MRTFA: variants seen among roughly 807,000 people sequenced by gnomAD.
The protein encoded by MRTFA is myocardin-related transcription factor A.
In MRTFA, 20 loss-of-function variants were observed where a neutral mutation model predicts 83.5. The observed-to-expected ratio is 0.24, with a 90% CI of 0.17 to 0.35. The LOEUF is 0.35. Among genes scored for constraint, MRTFA ranks in the 10% least tolerant of loss-of-function variants. The pLI, the probability that MRTFA is intolerant of heterozygous loss-of-function variation, is 1.00. For missense variants in MRTFA, 1,200 were observed against 1,224.7 expected (o/e 0.98, Z 0.30); for synonymous variants, 659 against 541.2 (o/e 1.22, Z -3.02).
rs57006846 is a variant in MRTFA at position 40,566,260 on chromosome 22, G to A, written c.-21-13893C>T. 7.1e-3 allele frequency among the ~76,000 whole-genome samples: 1,066 copies of A among 149,284 alleles called. 14 individuals carry two copies. The highest frequency in any genetic ancestry group is 0.025 in the African/African-American group (1,021 of 40,570). On this transcript the variant is annotated intron_variant, in intron 2 of 14. Coordinates refer to ENST00000355630, the MANE Select transcript of MRTFA (RefSeq NM_020831.6). The stretch of plus-strand genomic sequence containing the variant: ...TTTTGAGACAGAGTCTCACTCTGTC[G>A]CCCAGGCTGGAGTGCAGTGGCGTGA...
At chr22:40,629,599 T>TA (rs997656197) in intron 1 of MRTFA, among the ~76,000 whole-genome samples, 7 of 148,890 alleles carry the variant, frequency 4.7e-5, no homozygotes, top group Admixed American at 2.7e-4. Flanking sequence ...CCGTCCCTAC[T>TA]AAAAAAAATA....
intron 1 of MRTFA, among the ~76,000 whole-genome samples, chr22:40,610,822 TA>T (rs139645469): frequency 2.1e-5 from 3 of 143,576 alleles, no homozygotes; most frequent in South Asian, 2.2e-4. Flanking sequence ...GAAAAATAAG[TA>T]AAAAAAAAGA....
intron 3 of MRTFA, among the ~76,000 whole-genome samples, chr22:40,547,836 A>C (rs2055388749): frequency 6.7e-6 from 1 of 148,472 alleles, no homozygotes; most frequent in African/African-American, 2.5e-5. Context: ...CCTGGGTGAC[A>C]GGGCGAGACT....
At chr22:40,430,470 C>T (rs1428959104) in intron 6 of MRTFA, among the ~76,000 whole-genome samples, 1 of 151,818 alleles carries the variant, frequency 6.6e-6, no homozygotes, top group Admixed American at 6.6e-5. Flanking sequence ...CCTGGTGACA[C>T]AGCAAGACTC....
At chr22:40,447,998 C>T (rs1017960524) in intron 4 of MRTFA, among the ~76,000 whole-genome samples, 1 of 152,146 alleles carries the variant, frequency 6.6e-6, no homozygotes, top group Admixed American at 6.5e-5. Context: ...TTCAAGCTAG[C>T]GAGACCCCAT....
In MRTFA at chr22:40,411,913, A is replaced by C; in HGVS notation, c.2579-6T>G. The C allele has an allele frequency of 1.3e-6, 2 of 1,484,434 alleles. No homozygotes were observed. Among genetic ancestry groups the C allele is most frequent in the Non-Finnish European group, 1.8e-6 (2 of 1,116,230 alleles). 92.0% of individuals were successfully genotyped at this position (1,484,434 alleles called of 1,614,324 possible). A position where few individuals can be genotyped will look rare whatever the true frequency, so the allele number is the denominator to read the frequency against. ...CTTGAAATCTGCTGAAATTTCTGCC[A>C]ATCAATCAAGAGAGTAAATGGATAT... On this transcript the variant is annotated splice_region_variant and splice_polypyrimidine_tract_variant and intron_variant, in intron 14 of 14. Coordinates refer to ENST00000355630, the MANE Select transcript of MRTFA (RefSeq NM_020831.6).
chr22:40,630,764 G>A (rs529012124), intron 1 of MRTFA, among the ~76,000 whole-genome samples: 18 of 152,162 alleles, frequency 1.2e-4, no homozygotes, highest in African/African-American at 3.6e-4. Flanking sequence ...GCACAGTGGT[G>A]TGATCACAGC....
intron 14 of MRTFA, chr22:40,414,942 TG>T (rs1166469320): frequency 6.6e-6 from 1 of 151,302 alleles, no homozygotes; most frequent in Non-Finnish European, 1.5e-5. Flanking sequence ...TGGCCCCCCC[TG>T]TCCTGGCAGA....
Position 40,564,212 on chromosome 22 carries a change from G to A in MRTFA, c.-21-11845C>T, listed in dbSNP as rs1019498122. Among the ~76,000 whole-genome samples, 8 of 152,134 alleles carry A rather than the reference G, an allele frequency of 5.3e-5. 1 individual carries two copies. The highest frequency in any genetic ancestry group is 5.2e-4 in the Admixed American group (8 of 15,276). On this transcript the variant is annotated intron_variant, in intron 2 of 14. Transcript: ENST00000355630. ...CTGCTAATAGAAATAGGGAAAAGAG[G>A]AGGAATTTTATCTGTGGAGATAATA...
chr22:40,519,686 A>G, intron 3 of MRTFA: 1 of 1,080,652 alleles, frequency 9.3e-7, no homozygotes. Context: ...TGTTATAACA[A>G]TCACACCCAC....
intron 3 of MRTFA, among the ~76,000 whole-genome samples, chr22:40,530,501 T>C (rs1383100555): frequency 1.3e-5 from 2 of 152,244 alleles, no homozygotes; most frequent in African/African-American, 2.4e-5. Flanking sequence ...TTCACCATGT[T>C]GGCCAGGCTT....
Position 40,501,146 on chromosome 22 carries a change from G to GT in MRTFA, c.242-37861_242-37860insA, listed in dbSNP as rs1218213177. On this transcript the variant is annotated intron_variant, in intron 3 of 14. Coordinates refer to ENST00000355630, the MANE Select transcript of MRTFA (RefSeq NM_020831.6). ...CCGGACGGGGAGGCCGGCCGGGCAG[G>GT]GGGCTGACCCCCCCCACCTCCCTCC... 1.2e-4 allele frequency among the ~76,000 whole-genome samples: 2 copies of GT among 16,586 alleles called. 1 individual carries two copies. Among genetic ancestry groups the GT allele is most frequent in the East Asian group, 4.7e-3 (2 of 430 alleles). The allele number at this position is 16,586 out of a possible 152,430, so 10.9% of individuals were successfully genotyped here.
At chr22:40,437,261 T>C (rs890159626) in intron 4 of MRTFA, among the ~76,000 whole-genome samples, 1 of 152,160 alleles carries the variant, frequency 6.6e-6, no homozygotes, top group Non-Finnish European at 1.5e-5. Flanking sequence ...TGTGTAACGC[T>C]AGCTCAACTC....
At chr22:40,440,216 T>C (rs2053250329) in intron 4 of MRTFA, among the ~76,000 whole-genome samples, 1 of 152,140 alleles carries the variant, frequency 6.6e-6, no homozygotes, top group South Asian at 2.1e-4. Context: ...TGTTTCATTT[T>C]ATAGTAATAA....
intron 6 of MRTFA, among the ~76,000 whole-genome samples, chr22:40,430,756 A>T (rs1486031379): frequency 1.3e-5 from 2 of 150,030 alleles, no homozygotes; most frequent in Non-Finnish European, 3.0e-5. Flanking sequence ...GCTATTCAAG[A>T]GGCTGAGGCA....
At position 40,410,424 on chromosome 22, in the gene MRTFA, G is replaced by A. The variant is rs1569241068; in HGVS notation, c.*966C>T. The A allele has an allele frequency of 8.5e-6, 2 of 234,332 alleles. No homozygotes were observed. Among genetic ancestry groups the A allele is most frequent in the Admixed American group, 5.6e-5 (1 of 17,762 alleles). The allele number at this position is 234,332 out of a possible 1,614,324, so 14.5% of individuals were successfully genotyped here. A position where few individuals can be genotyped will look rare whatever the true frequency, so the allele number is the denominator to read the frequency against. On this transcript the variant is annotated 3_prime_UTR_variant, in exon 15 of 15. Transcript: ENST00000355630. Reference sequence around the variant, plus strand: ...AGCCAGTGGCCCCAGGGCAGGAGATGGCCACCCCTCAGCCCCACCGCAGGG... The same window carrying A: ...AGCCAGTGGCCCCAGGGCAGGAGATAGCCACCCCTCAGCCCCACCGCAGGG...
At chr22:40,535,543 G>T (rs146958724) in intron 3 of MRTFA, among the ~76,000 whole-genome samples, 1 of 151,690 alleles carries the variant, frequency 6.6e-6, no homozygotes, top group Admixed American at 6.6e-5. Context: ...AGTAAAGATG[G>T]GGTTTCACCA....
intron 2 of MRTFA, among the ~76,000 whole-genome samples, chr22:40,580,896 G>T (rs979049295): frequency 3.0e-4 from 45 of 152,288 alleles, no homozygotes; most frequent in African/African-American, 1.1e-3. Flanking sequence ...AAGTAGCTGG[G>T]ACTGTAGGCA....
chr22:40,555,781 C>T (rs188739657), intron 2 of MRTFA, among the ~76,000 whole-genome samples: 53 of 151,776 alleles, frequency 3.5e-4, no homozygotes, highest in African/African-American at 1.3e-3. Context: ...GGACTACAGG[C>T]GCCCACCACC....
Sources: allele counts gnomAD v4.1 joint callset (sites outside exome capture counted in the v4.1 genomes callset), GRCh38; gene constraint gnomAD v4.1.1; transcripts MANE v1.5; gene names NCBI Gene and HGNC (gene_info 2026-07-23, HGNC 2026-07-21).